CTNNA2: variants seen among roughly 807,000 people sequenced by gnomAD.
The protein encoded by CTNNA2 is catenin alpha 2, also known as catenin alpha-2.
In CTNNA2, 42 loss-of-function variants were observed where a neutral mutation model predicts 101.0. That is an observed-to-expected ratio of 0.42 (90% CI 0.32 to 0.54). The LOEUF (loss-of-function observed/expected upper bound fraction) is 0.54. Among genes scored for constraint, CTNNA2 ranks in the 20% least tolerant of loss-of-function variants. The pLI is 0.14. For missense variants in CTNNA2, 871 were observed against 1,223.1 expected (o/e 0.71, Z 4.29); for synonymous variants, 450 against 456.4 (o/e 0.99, Z 0.18).
At chr2:80,328,387 C>A (rs750584451) in intron 7 of CTNNA2, 8 of 470,908 alleles carry the variant, frequency 1.7e-5, no homozygotes, top group Middle Eastern at 3.3e-4. Flanking sequence ...GAAAGTGACT[C>A]TCCATAGGGG....
At chr2:79,603,438 C>T (rs529553660) in intron 1 of CTNNA2, among the ~76,000 whole-genome samples, 4 of 152,118 alleles carry the variant, frequency 2.6e-5, no homozygotes, top group East Asian at 1.9e-4. Context: ...AACTTATAAT[C>T]CAAAAACTAA....
chr2:79,959,207 T>C (rs1464496123), intron 7 of CTNNA2, among the ~76,000 whole-genome samples: 1 of 152,076 alleles, frequency 6.6e-6, no homozygotes, highest in Non-Finnish European at 1.5e-5. Context: ...AGCTACTATT[T>C]GTCTATATTA....
At chr2:80,052,783 A>G (rs2104339442) in intron 7 of CTNNA2, among the ~76,000 whole-genome samples, 1 of 152,332 alleles carries the variant, frequency 6.6e-6, no homozygotes, top group East Asian at 1.9e-4. Flanking sequence ...AAAGAAATGA[A>G]CAGTTTGCTC....
intron 7 of CTNNA2, among the ~76,000 whole-genome samples, chr2:80,392,139 T>G (rs575848646): frequency 1.3e-5 from 2 of 152,182 alleles, no homozygotes; most frequent in Non-Finnish European, 2.9e-5. Context: ...AGAAACCTGT[T>G]GGATGGTAAT....
At chr2:79,249,926 G>A (rs956682855) in intron 2 of CTNNA2, among the ~76,000 whole-genome samples, 1 of 152,090 alleles carries the variant, frequency 6.6e-6, no homozygotes, top group African/African-American at 2.4e-5. Flanking sequence ...TGGGTCTTCT[G>A]ATAAGAAATT....
chr2:80,275,640 C>G (rs889257899), intron 7 of CTNNA2, among the ~76,000 whole-genome samples: 2 of 151,900 alleles, frequency 1.3e-5, no homozygotes, highest in African/African-American at 2.4e-5. Context: ...TTCATTTACC[C>G]CAGTAACATT....
chr2:79,526,265 T>G (rs940845135), intron 1 of CTNNA2, among the ~76,000 whole-genome samples: 18 of 152,040 alleles, frequency 1.2e-4, no homozygotes, highest in African/African-American at 4.3e-4. Context: ...CTGTTACTGT[T>G]TGCGTTTTAC....
chr2:79,860,719 G>A (rs969460931), intron 4 of CTNNA2, among the ~76,000 whole-genome samples: 6 of 152,078 alleles, frequency 3.9e-5, no homozygotes, highest in African/African-American at 1.4e-4. Context: ...GTGGTGGAAT[G>A]TTGCTATCTT....
At chr2:80,591,457 G>GTTTTTTTGTTT (rs1696487430) in intron 15 of CTNNA2, among the ~76,000 whole-genome samples, 1 of 70,314 alleles carries the variant, frequency 1.4e-5, no homozygotes, top group African/African-American at 4.6e-5. Context: ...TGCACAGCCT[G>GTTTTTTTGTTT]TTTTTTTTTT....
chr2:79,477,177 T>C (rs1304077066), intron 4 of CTNNA2, among the ~76,000 whole-genome samples: 4 of 148,424 alleles, frequency 2.7e-5, no homozygotes, highest in African/African-American at 5.0e-5. Context: ...TCTTTTTTTT[T>C]TTTTTGTTTT....
At chr2:79,515,743 GT>G (rs1176046440) in intron 1 of CTNNA2, among the ~76,000 whole-genome samples, 1 of 152,162 alleles carries the variant, frequency 6.6e-6, no homozygotes, top group Non-Finnish European at 1.5e-5. Flanking sequence ...CTATAATCCA[GT>G]TTGCAGATAA....
At chr2:80,069,005 T>A (rs957691856) in intron 7 of CTNNA2, among the ~76,000 whole-genome samples, 4 of 152,084 alleles carry the variant, frequency 2.6e-5, no homozygotes, top group Non-Finnish European at 4.4e-5. Flanking sequence ...GAAGAGGAGA[T>A]TTATTATGAC....
chr2:80,043,804 A>G (rs1309406029), intron 7 of CTNNA2, among the ~76,000 whole-genome samples: 1 of 152,220 alleles, frequency 6.6e-6, no homozygotes, highest in African/African-American at 2.4e-5. Context: ...TTCGCAATGT[A>G]TCCAGAGAAG....
chr2:79,613,601 A>G (rs528649793), intron 1 of CTNNA2, among the ~76,000 whole-genome samples: 84 of 152,324 alleles, frequency 5.5e-4, no homozygotes, highest in African/African-American at 2.0e-3. Flanking sequence ...AGAAGGATAG[A>G]CTATCAACAA....
At chr2:79,384,956 AT>A (rs370301802) in intron 4 of CTNNA2, among the ~76,000 whole-genome samples, 1 of 152,140 alleles carries the variant, frequency 6.6e-6, no homozygotes, top group Non-Finnish European at 1.5e-5. Context: ...AGGCAATCAC[AT>A]TTTTTATCCT....
chr2:79,299,301 C>A (rs530016675), intron 2 of CTNNA2, among the ~76,000 whole-genome samples: 2 of 152,072 alleles, frequency 1.3e-5, no homozygotes, highest in Non-Finnish European at 2.9e-5. Context: ...AGAGTCTAAT[C>A]CTTGGATTTA....
At chr2:79,869,008 A>G (rs1221308449) in intron 4 of CTNNA2, among the ~76,000 whole-genome samples, 2 of 152,222 alleles carry the variant, frequency 1.3e-5, no homozygotes, top group Non-Finnish European at 2.9e-5. Context: ...CCAATTGTGG[A>G]AATTTTCATA....
chr2:79,744,234 A>G (rs1378985398), intron 2 of CTNNA2, among the ~76,000 whole-genome samples, 153 bp from the exon 3 acceptor site: 1 of 152,194 alleles, frequency 6.6e-6, no homozygotes, highest in Non-Finnish European at 1.5e-5. Context: ...TTTCCTTGAT[A>G]AGGTTATGTG....
chr2:80,122,001 A>G (rs886703588), intron 7 of CTNNA2, among the ~76,000 whole-genome samples: 1 of 152,128 alleles, frequency 6.6e-6, no homozygotes, highest in Non-Finnish European at 1.5e-5. Context: ...ACAGCCTAGC[A>G]CTCAGTTTCC....
Sources: gnomAD v4.1 joint callset for allele counts (sites outside exome capture counted in the v4.1 genomes callset) on GRCh38, gnomAD v4.1.1 for gene constraint, MANE v1.5 for transcripts, NCBI Gene and HGNC (gene_info 2026-07-23, HGNC 2026-07-21) for gene names.